NRG1: variants seen among roughly 807,000 people sequenced by gnomAD.
NRG1 encodes pro-neuregulin-1, membrane-bound isoform.
In NRG1, 18 loss-of-function variants were observed where a neutral mutation model predicts 63.8. That is an observed-to-expected ratio of 0.28 (90% CI 0.19 to 0.42). NRG1 has a LOEUF of 0.42. Ranked by LOEUF, NRG1 falls within the 10% of genes least tolerant of loss-of-function variation. NRG1 has a pLI of 1.00. For synonymous variants in NRG1, 302 were observed against 301.3 expected (o/e 1.00, Z -0.02); for missense variants, 762 against 814.7 (o/e 0.94, Z 0.79).
At chr8:32,390,602 TA>T (rs66980062) in intron 1 of NRG1, among the ~76,000 whole-genome samples, 56,091 of 130,446 alleles carry the variant, frequency 0.43, 11,626 homozygotes, top group Admixed American at 0.49. Flanking sequence ...GACCCTGTCT[TA>T]AAAAAAAAAA....
At chr8:32,378,780 C>G (rs1440340130) in intron 1 of NRG1, among the ~76,000 whole-genome samples, 1 of 150,050 alleles carries the variant, frequency 6.7e-6, no homozygotes, top group Non-Finnish European at 1.5e-5. Flanking sequence ...TCCCCCAACC[C>G]CACAACAGGC....
At chr8:31,791,685 G>A (rs1820728378) in intron 1 of NRG1, among the ~76,000 whole-genome samples, 1 of 152,070 alleles carries the variant, frequency 6.6e-6, no homozygotes. Context: ...ACCTGCTGCT[G>A]GATGTTTTAG....
chr8:32,450,989 A>T lies in NRG1; in HGVS notation c.38-144839A>T, dbSNP rs139751789. The stretch of plus-strand genomic sequence containing the variant: ...GGGAGTTGCCCTCAACTACCTTTTA[A>T]CACAAATGGAGGACTGAAAAACAAA... On this transcript the variant is annotated intron_variant, in intron 1 of 10. Transcript: ENST00000519301. Among the ~76,000 whole-genome samples the T allele has an allele frequency of 6.0e-3, 911 of 152,292 alleles. 6 individuals are homozygous for T. The highest frequency in any genetic ancestry group is 0.021 in the African/African-American group (859 of 41,562).
chr8:32,156,607 A>G (rs1161013571), intron 1 of NRG1, among the ~76,000 whole-genome samples: 1 of 152,190 alleles, frequency 6.6e-6, no homozygotes, highest in East Asian at 1.9e-4. Context: ...CTGTATCCCC[A>G]TTCCCTCATA....
At chr8:32,278,613 A>G (rs1007592562) in intron 1 of NRG1, among the ~76,000 whole-genome samples, 4 of 152,180 alleles carry the variant, frequency 2.6e-5, no homozygotes, top group African/African-American at 9.7e-5. Flanking sequence ...GATGAGATCT[A>G]CCCTTTGCCT....
At chr8:31,922,281 A>C (rs553392734) in intron 1 of NRG1, among the ~76,000 whole-genome samples, 9 of 152,260 alleles carry the variant, frequency 5.9e-5, no homozygotes, top group African/African-American at 2.2e-4. Context: ...AGAGTCAGCA[A>C]ATCTGAGTGG....
intron 1 of NRG1, among the ~76,000 whole-genome samples, chr8:31,805,234 A>G (rs1332957584): frequency 6.6e-6 from 1 of 152,064 alleles, no homozygotes; most frequent in Non-Finnish European, 1.5e-5. Context: ...CAAAGTATAT[A>G]AAATTGAAAT....
chr8:32,249,922 G>A (rs978234), intron 1 of NRG1, among the ~76,000 whole-genome samples: 102,426 of 151,828 alleles, frequency 0.67, 34,992 homozygotes, highest in Admixed American at 0.76. Context: ...GGTTCTATAG[G>A]GGCAAGAAAA....
intron 1 of NRG1, among the ~76,000 whole-genome samples, chr8:31,880,840 T>G (rs1469155053): frequency 1.3e-5 from 2 of 152,086 alleles, no homozygotes; most frequent in Non-Finnish European, 2.9e-5. Context: ...CTTAAAGGAG[T>G]ATTTGTGTTT....
chr8:32,435,145 G>T (rs189286828), intron 1 of NRG1, among the ~76,000 whole-genome samples: 2 of 152,200 alleles, frequency 1.3e-5, no homozygotes, highest in Admixed American at 1.3e-4. Flanking sequence ...AGGCACAATG[G>T]GAGGCAGATA....
At chr8:31,726,938 G>A (rs1263637928) in intron 1 of NRG1, among the ~76,000 whole-genome samples, 1 of 152,128 alleles carries the variant, frequency 6.6e-6, no homozygotes, top group East Asian at 1.9e-4. Flanking sequence ...TGCAATCATT[G>A]GACGAATTTC....
rs372553575 is a variant in NRG1 at position 31,891,949 on chromosome 8, T to G, written c.37+252518T>G. Among the ~76,000 whole-genome samples, 16 of 152,142 alleles carry G rather than the reference T, an allele frequency of 1.1e-4. 1 individual carries two copies. The highest frequency in any genetic ancestry group is 3.6e-4 in the African/African-American group (15 of 41,492). On this transcript the variant is annotated intron_variant, in intron 1 of 10. Transcript: ENST00000519301. ...TAATTTTTATACCACTTTGAAACCA[T>G]AAAATTAAATGAAGAACAGATTAGT...
At chr8:32,570,448 A>G (rs1344853617) in intron 1 of NRG1, among the ~76,000 whole-genome samples, 1 of 152,198 alleles carries the variant, frequency 6.6e-6, no homozygotes, top group African/African-American at 2.4e-5. Flanking sequence ...GTACTTTTAA[A>G]TAAAACTCTG....
At chr8:31,910,229 A>G (rs994647466) in intron 1 of NRG1, among the ~76,000 whole-genome samples, 2 of 152,242 alleles carry the variant, frequency 1.3e-5, no homozygotes, top group Admixed American at 1.3e-4. Flanking sequence ...TGAGGCGGGA[A>G]GAAGCTACAT....
At position 32,157,410 on chromosome 8, in the gene NRG1, G is replaced by A. The variant is rs976286042; in HGVS notation, c.38-438418G>A. Among the ~76,000 whole-genome samples, 22 of 141,682 alleles carry A rather than the reference G, an allele frequency of 1.6e-4. 1 individual carries two copies. Among genetic ancestry groups the A allele is most frequent in the African/African-American group, 5.0e-4 (19 of 37,706 alleles). The allele number at this position is 141,682 out of a possible 152,430, so 92.9% of individuals were successfully genotyped here. On this transcript the variant is annotated intron_variant, in intron 1 of 10. Transcript: ENST00000519301. The stretch of plus-strand genomic sequence containing the variant: ...GGCATGGCGGCTCACGCCTGTAATC[G>A]CAGTATTTTGGGAGGCCGAGGCGGG...
intron 5 of NRG1, among the ~76,000 whole-genome samples, chr8:32,633,218 TTTTA>T (rs890926373): frequency 1.3e-5 from 2 of 152,232 alleles, no homozygotes; most frequent in African/African-American, 2.4e-5. Context: ...TAATGCTTTC[TTTTA>T]TTTATTTATT....
At chr8:32,053,405 A>G (rs1273180233) in intron 1 of NRG1, among the ~76,000 whole-genome samples, 1 of 152,082 alleles carries the variant, frequency 6.6e-6, no homozygotes, top group African/African-American at 2.4e-5. Flanking sequence ...TAATAAGAAG[A>G]GCCCCCAGGA....
intron 1 of NRG1, among the ~76,000 whole-genome samples, chr8:32,496,456 G>A (rs1247865760): frequency 2.0e-5 from 3 of 152,178 alleles, no homozygotes; most frequent in East Asian, 1.9e-4. Context: ...TGGGCATGGC[G>A]GTGCGTGCCT....
At chr8:32,662,170 A>G (rs1803024196) in intron 5 of NRG1, among the ~76,000 whole-genome samples, 1 of 152,194 alleles carries the variant, frequency 6.6e-6, no homozygotes, top group African/African-American at 2.4e-5. Context: ...TTTCAAAAAT[A>G]CCCTTAAGAA....
Sources: allele counts gnomAD v4.1 joint callset (sites outside exome capture counted in the v4.1 genomes callset), GRCh38; gene constraint gnomAD v4.1.1; transcripts MANE v1.5; gene names NCBI Gene and HGNC (gene_info 2026-07-23, HGNC 2026-07-21).